CDK6: variants seen among roughly 807,000 people sequenced by gnomAD.
The protein encoded by CDK6 is cyclin-dependent kinase 6.
CDK6 carries 6 observed loss-of-function variants against 37.1 expected under a neutral mutation model. That is an observed-to-expected ratio of 0.16 (90% CI 0.09 to 0.32). CDK6 has a LOEUF of 0.32. Among genes scored for constraint, CDK6 ranks in the 10% least tolerant of loss-of-function variants. The pLI is 1.00. For missense variants in CDK6, 224 were observed against 418.9 expected (o/e 0.53, Z 4.06); for synonymous variants, 160 against 161.3 (o/e 0.99, Z 0.06).
chr7:92,762,969 T>C (rs375036930), intron 3 of CDK6, among the ~76,000 whole-genome samples: 28 of 152,242 alleles, frequency 1.8e-4, no homozygotes, highest in African/African-American at 5.5e-4. Flanking sequence ...CTAAACATTA[T>C]TTTATGCCTT....
intron 3 of CDK6, among the ~76,000 whole-genome samples, chr7:92,734,488 T>C (rs997890103): frequency 2.0e-5 from 3 of 152,206 alleles, no homozygotes; most frequent in Non-Finnish European, 2.9e-5. Flanking sequence ...TACTGCCCCA[T>C]GGCCCCAACT....
intron 2 of CDK6, among the ~76,000 whole-genome samples, chr7:92,806,684 A>G (rs1234742585): frequency 6.6e-6 from 1 of 152,188 alleles, no homozygotes; most frequent in African/African-American, 2.4e-5. Flanking sequence ...AACAATAAAA[A>G]CCAATAGAAA....
chr7:92,810,229 T>C (rs1020697519), intron 2 of CDK6, among the ~76,000 whole-genome samples: 1 of 152,354 alleles, frequency 6.6e-6, no homozygotes, highest in Non-Finnish European at 1.5e-5. Context: ...CCTCTTCAAA[T>C]AAACAGCATG....
At position 92,612,468 on chromosome 7, in the gene CDK6, G is replaced by A. The variant is rs868580303; in HGVS notation, c.*2672C>T. 8.6e-6 allele frequency: 2 copies of A among 232,946 alleles called. No individual in the cohort carries two copies. Among genetic ancestry groups the A allele is most frequent in the Non-Finnish European group, 1.7e-5 (2 of 117,960 alleles). The allele number at this position is 232,946 out of a possible 1,614,324, so 14.4% of individuals were successfully genotyped here. Reference sequence around the variant, plus strand: ...GTTGGATCTGGATTTCAGAAATGGCGAATCTGGACATAAAATACATAAATC... The same window carrying A: ...GTTGGATCTGGATTTCAGAAATGGCAAATCTGGACATAAAATACATAAATC... On this transcript the variant is annotated 3_prime_UTR_variant, in exon 8 of 8. Coordinates refer to ENST00000424848, the MANE Select transcript of CDK6 (RefSeq NM_001145306.2).
At chr7:92,740,836 A>C (rs1428672391) in intron 3 of CDK6, among the ~76,000 whole-genome samples, 1 of 152,172 alleles carries the variant, frequency 6.6e-6, no homozygotes, top group Non-Finnish European at 1.5e-5. Flanking sequence ...GGCCCATATC[A>C]TCAGAAACCT....
chr7:92,817,869 T>C (rs1459958513), intron 2 of CDK6, among the ~76,000 whole-genome samples: 1 of 151,822 alleles, frequency 6.6e-6, no homozygotes, highest in Non-Finnish European at 1.5e-5. Flanking sequence ...GAAAAAACAA[T>C]GCCTTTTACA....
intron 2 of CDK6, among the ~76,000 whole-genome samples, chr7:92,828,705 T>C (rs138100160): frequency 0.014 from 2,117 of 152,290 alleles, 33 homozygotes; most frequent in Non-Finnish European, 0.02. Context: ...TTTCCTCTTA[T>C]AGACCTTTTT....
intron 3 of CDK6, among the ~76,000 whole-genome samples, chr7:92,728,104 T>C (rs186930069): frequency 1.6e-4 from 24 of 152,206 alleles, no homozygotes; most frequent in Non-Finnish European, 3.2e-4. Context: ...TTTAAAAACA[T>C]GCACATCGTT....
chr7:92,652,576 C>T (rs1156483564), intron 5 of CDK6, among the ~76,000 whole-genome samples: 1 of 152,170 alleles, frequency 6.6e-6, no homozygotes, highest in East Asian at 1.9e-4. Flanking sequence ...AATTACAGGG[C>T]TAGTCTCATA....
intron 3 of CDK6, among the ~76,000 whole-genome samples, chr7:92,732,787 T>C (rs1378797406): frequency 1.3e-5 from 2 of 152,186 alleles, no homozygotes; most frequent in Non-Finnish European, 2.9e-5. Flanking sequence ...AGTAGAATGC[T>C]CTCTGCTGTA....
chr7:92,674,288 C>T (rs1797157364), intron 4 of CDK6, among the ~76,000 whole-genome samples: 3 of 152,170 alleles, frequency 2.0e-5, no homozygotes, highest in Admixed American at 2.0e-4. Flanking sequence ...ATGCCAGCAC[C>T]ACCCTGTTGC....
In CDK6 at chr7:92,833,674, G is replaced by C; in HGVS notation, c.-351C>G. ...ATAGCCTCTGCCCAAGCGCGTCTCAGTCCAGAATCATTGCACCTAAAGGAG... is the reference window on the plus strand; with the variant it reads ...ATAGCCTCTGCCCAAGCGCGTCTCACTCCAGAATCATTGCACCTAAAGGAG... On this transcript the variant is annotated 5_prime_UTR_variant, in exon 2 of 8. Coordinates refer to ENST00000424848, the MANE Select transcript of CDK6 (RefSeq NM_001145306.2). The surrounding 1 kb of genome is among the most constrained non-coding windows in gnomAD (Gnocchi z 6.1). 1 of 465,134 alleles carries C rather than the reference G, an allele frequency of 2.1e-6. No individual in the cohort carries two copies. Among genetic ancestry groups the C allele is most frequent in the Non-Finnish European group, 3.7e-6 (1 of 268,106 alleles). The allele number at this position is 465,134 out of a possible 1,614,324, so 28.8% of individuals were successfully genotyped here.
At chr7:92,653,640 A>G (rs1796625806) in intron 5 of CDK6, among the ~76,000 whole-genome samples, 1 of 152,072 alleles carries the variant, frequency 6.6e-6, no homozygotes, top group African/African-American at 2.4e-5. Flanking sequence ...TCAAGTACTA[A>G]TGTCTCTTTT....
chr7:92,774,761 C>T lies in CDK6; in HGVS notation c.304G>A (p.Asp102Asn), dbSNP rs1178575524. 4 of 1,612,802 alleles carry T rather than the reference C, an allele frequency of 2.5e-6. No homozygotes were observed. Among genetic ancestry groups the T allele is most frequent in the Non-Finnish European group, 3.4e-6 (4 of 1,179,396 alleles). The change falls in exon 3 of 8, where the codon GAT (aspartate) becomes AAT (asparagine). Residue 102 changes from aspartate to asparagine, a missense_variant. Transcript: ENST00000424848. ...TKLTLVFEHV[D>N]QDLTTYLDKV... Reference sequence around the variant, plus strand: ...TCCAAGTAAGTGGTCAAGTCTTGATCGACATGTTCAAACACTAAAGTTAGT... The same window carrying T: ...TCCAAGTAAGTGGTCAAGTCTTGATTGACATGTTCAAACACTAAAGTTAGT...
At chr7:92,634,509 T>C (rs1796125871) in intron 5 of CDK6, among the ~76,000 whole-genome samples, 1 of 152,114 alleles carries the variant, frequency 6.6e-6, no homozygotes, top group Non-Finnish European at 1.5e-5. Context: ...TTCTTGGCTA[T>C]TTTCACCAGT....
In CDK6 at chr7:92,609,491, A is replaced by T. The variant is rs1795514377; in HGVS notation, c.*5649T>A. ...CATTTGTGATTCCACAAATGTTAAA[A>T]TTACCTGGTCTTTTGGTATTTTAGG... On this transcript the variant is annotated 3_prime_UTR_variant, in exon 8 of 8. Coordinates refer to ENST00000424848, the MANE Select transcript of CDK6 (RefSeq NM_001145306.2). 1 of 229,056 alleles carries T rather than the reference A, an allele frequency of 4.4e-6. No homozygotes were observed. The highest frequency in any genetic ancestry group is 2.2e-5 in the African/African-American group (1 of 45,064). The allele number at this position is 229,056 out of a possible 1,614,324, so 14.2% of individuals were successfully genotyped here.
chr7:92,705,644 T>C (rs1433505698), intron 4 of CDK6, among the ~76,000 whole-genome samples: 1 of 152,216 alleles, frequency 6.6e-6, no homozygotes, highest in Non-Finnish European at 1.5e-5. Flanking sequence ...ATTATGTTTC[T>C]ACACAACACT....
intron 4 of CDK6, among the ~76,000 whole-genome samples, chr7:92,687,020 A>G (rs562067862): frequency 6.6e-6 from 1 of 152,222 alleles, no homozygotes; most frequent in Admixed American, 6.5e-5. Flanking sequence ...TAGATTCTGG[A>G]TATTAGTCCT....
Position 92,623,212 on chromosome 7 carries a change from T to C in CDK6, c.648-126A>G, listed in dbSNP as rs1795844297. 4 of 656,042 alleles carry C rather than the reference T, an allele frequency of 6.1e-6. No homozygotes were observed. In the South Asian group the frequency reaches 7.6e-5, roughly 13 times the overall value. The allele number at this position is 656,042 out of a possible 1,614,324, so 40.6% of individuals were successfully genotyped here. Reference sequence around the variant, plus strand: ...ATGGGTTGGGAAGAAGTAAAAAAAATTGAGACATTTTTCCTTTGGTAAGTG... The same window carrying C: ...ATGGGTTGGGAAGAAGTAAAAAAAACTGAGACATTTTTCCTTTGGTAAGTG... On this transcript the variant is annotated intron_variant, in intron 5 of 7. Coordinates refer to ENST00000424848, the MANE Select transcript of CDK6 (RefSeq NM_001145306.2).
Sources: gnomAD v4.1 joint callset for allele counts (sites outside exome capture counted in the v4.1 genomes callset) on GRCh38, gnomAD v4.1.1 for gene constraint, Gnocchi (gnomAD v3.1) non-coding constraint, MANE v1.5 for transcripts, NCBI Gene and HGNC (gene_info 2026-07-23, HGNC 2026-07-21) for gene names.